The following DENND2B variants were observed in gnomAD, a reference collection of about 807,000 sequenced individuals.
DENND2B encodes DENN domain containing 2B.
Under a neutral mutation model 116.0 loss-of-function variants are expected in DENND2B, and 32 were observed. The ratio of observed to expected loss-of-function variants is 0.28; its 90% CI spans 0.21 to 0.37. The LOEUF (loss-of-function observed/expected upper bound fraction) is 0.37. Ranked by LOEUF, DENND2B falls within the 10% of genes least tolerant of loss-of-function variation. DENND2B has a pLI of 1.00. For missense variants in DENND2B, 1,276 were observed against 1,477.7 expected (o/e 0.86, Z 2.24); for synonymous variants, 588 against 583.9 (o/e 1.01, Z -0.10).
intron 4 of DENND2B, among the ~76,000 whole-genome samples, chr11:8,834,007 CAG>C (rs1025238059): frequency 6.6e-6 from 1 of 152,112 alleles, no homozygotes; most frequent in Non-Finnish European, 1.5e-5. Flanking sequence ...CTGCTTTTTT[CAG>C]AGAGACAAGA....
chr11:8,696,796 T>G, intron 17 of DENND2B, 130 bp from the exon 18 acceptor site: 1 of 1,404,624 alleles, frequency 7.1e-7, no homozygotes. Context: ...CTGGAAGCTC[T>G]TTTTGAGACC....
chr11:8,859,980 A>G (rs943826079), intron 2 of DENND2B, among the ~76,000 whole-genome samples: 7 of 152,178 alleles, frequency 4.6e-5, no homozygotes, highest in Admixed American at 4.6e-4. Context: ...CATGGCCCTT[A>G]AAAAAGCCTA....
At chr11:8,865,792 T>C (rs1019448158) in intron 2 of DENND2B, among the ~76,000 whole-genome samples, 1 of 68,658 alleles carries the variant, frequency 1.5e-5, no homozygotes, top group African/African-American at 4.1e-5. Flanking sequence ...TTAAGGATAT[T>C]TGGAGGTGGA....
chr11:8,740,976 A>T (rs546005368), intron 2 of DENND2B, among the ~76,000 whole-genome samples: 243 of 152,368 alleles, frequency 1.6e-3, no homozygotes, highest in Non-Finnish European at 2.7e-3. Flanking sequence ...CCCAGTAACA[A>T]GACATAGACA....
At position 8,726,136 on chromosome 11, in the gene DENND2B, C is replaced by T; in HGVS notation, c.1414G>A (p.Glu472Lys). ...YPSSPTENGT[E>K]NQPKFGSKST... Reference sequence around the variant, plus strand: ...TTGGATCCAAACTTGGGTTGGTTCTCAGTACCATTCTCAGTGGGAGAAGAG... The same window carrying T: ...TTGGATCCAAACTTGGGTTGGTTCTTAGTACCATTCTCAGTGGGAGAAGAG... Residue 472 changes from glutamate to lysine, a missense_variant, in exon 4 of 20, where the codon GAG (glutamate) becomes AAG (lysine). Glu to Lys is a moderately conservative substitution (Grantham distance 56). This residue lies in a region of DENND2B where 856 missense variants were observed against 846.6 expected (regional missense o/e 1.01). Transcript: ENST00000313726. 6.2e-7 allele frequency: 1 copy of T among 1,614,184 alleles called. No homozygotes were observed. The highest frequency in any genetic ancestry group is 1.3e-5 in the African/African-American group (1 of 75,054).
At chr11:8,716,097 A>C (rs1018643509) in intron 5 of DENND2B, among the ~76,000 whole-genome samples, 8 of 152,252 alleles carry the variant, frequency 5.3e-5, no homozygotes, top group African/African-American at 1.9e-4. Flanking sequence ...TGGAAAAAGA[A>C]GACTAAGTGG....
Position 8,708,128 on chromosome 11 carries a change from G to A in DENND2B, c.2353-274C>T, listed in dbSNP as rs1458155512. ...CCACCCTTCCTCCCAGGAGGACGCT[G>A]ACGGGGGCTGGCAAAGGGCAAAGCA... On this transcript the variant is annotated intron_variant, in intron 11 of 19. Transcript: ENST00000313726. 6.6e-6 allele frequency: 9 copies of A among 1,367,808 alleles called. No individual in the cohort carries two copies. In the African/African-American group the frequency reaches 1.3e-4, roughly 20 times the overall value. The allele number at this position is 1,367,808 out of a possible 1,614,324, so 84.7% of individuals were successfully genotyped here.
At chr11:8,910,560 CTG>C (rs551506359) in intron 1 of DENND2B, among the ~76,000 whole-genome samples, 6 of 149,998 alleles carry the variant, frequency 4.0e-5, no homozygotes, top group African/African-American at 9.8e-5. Context: ...ACTCCTCCTA[CTG>C]TGTGTGTGTG....
chr11:8,803,733 C>T (rs2060562387), intron 1 of DENND2B, among the ~76,000 whole-genome samples: 1 of 152,196 alleles, frequency 6.6e-6, no homozygotes, highest in African/African-American at 2.4e-5. Context: ...TCACTCCCAA[C>T]TTACAGATGA....
intron 4 of DENND2B, among the ~76,000 whole-genome samples, chr11:8,821,152 T>C (rs1265065995): frequency 6.6e-6 from 1 of 151,034 alleles, no homozygotes; most frequent in African/African-American, 2.4e-5. Context: ...ATTAATTTAA[T>C]TTAATTTAAA....
At chr11:8,898,729 C>T (rs2064130956) in intron 1 of DENND2B, among the ~76,000 whole-genome samples, 1 of 152,194 alleles carries the variant, frequency 6.6e-6, no homozygotes, top group Admixed American at 6.5e-5. Context: ...ACATTGACTA[C>T]AAAGCCTAAA....
intron 3 of DENND2B, among the ~76,000 whole-genome samples, chr11:8,848,735 T>C (rs770229200): frequency 6.6e-6 from 1 of 152,244 alleles, no homozygotes; most frequent in Non-Finnish European, 1.5e-5. Flanking sequence ...ATGGGAACAA[T>C]GGCTATCATT....
At chr11:8,862,541 C>T (rs1305326765) in intron 2 of DENND2B, among the ~76,000 whole-genome samples, 3 of 151,768 alleles carry the variant, frequency 2.0e-5, no homozygotes, top group Non-Finnish European at 4.4e-5. Context: ...TACCATGTTG[C>T]CCAGGCTGGT....
chr11:8,711,797 G>A (rs1486892314), intron 9 of DENND2B: 3 of 291,696 alleles, frequency 1.0e-5, no homozygotes, highest in African/African-American at 4.3e-5. Context: ...AACCCAGGAG[G>A]CGGAGGTTGC....
intron 1 of DENND2B, among the ~76,000 whole-genome samples, chr11:8,896,329 C>T (rs141002119): frequency 1.3e-5 from 2 of 152,050 alleles, no homozygotes; most frequent in Admixed American, 6.6e-5. Flanking sequence ...AAAAGTAAGC[C>T]TTAAGAGAGT....
chr11:8,837,813 G>T (rs939018983), intron 4 of DENND2B, among the ~76,000 whole-genome samples: 1 of 152,136 alleles, frequency 6.6e-6, no homozygotes, highest in African/African-American at 2.4e-5. Context: ...AACATCGAAG[G>T]TCTCTGGAAG....
chr11:8,886,007 C>T (rs577719012), intron 1 of DENND2B, among the ~76,000 whole-genome samples: 1 of 152,182 alleles, frequency 6.6e-6, no homozygotes, highest in South Asian at 2.1e-4. Context: ...GTGGTACAAT[C>T]ATGGTTCATT....
chr11:8,828,184 G>A (rs1185852446), intron 4 of DENND2B, among the ~76,000 whole-genome samples: 1 of 152,198 alleles, frequency 6.6e-6, no homozygotes, highest in Admixed American at 6.5e-5. Context: ...CTGGGGCAGA[G>A]ATCTAAAGCA....
intron 1 of DENND2B, among the ~76,000 whole-genome samples, chr11:8,807,142 T>C (rs2060936705): frequency 6.6e-6 from 1 of 152,106 alleles, no homozygotes; most frequent in South Asian, 2.1e-4. Flanking sequence ...AACTATGTGT[T>C]CCCCGGGCTT....
Sources: gnomAD v4.1 joint callset for allele counts (sites outside exome capture counted in the v4.1 genomes callset) on GRCh38, gnomAD v4.1.1 for gene constraint, gnomAD v4.1.1 regional missense constraint, MANE v1.5 for transcripts, NCBI Gene and HGNC (gene_info 2026-07-23, HGNC 2026-07-21) for gene names.